VSIG10L: variants seen among roughly 807,000 people sequenced by gnomAD.
VSIG10L encodes V-set and immunoglobulin domain-containing protein 10-like.
Under a neutral mutation model 67.3 loss-of-function variants are expected in VSIG10L, and 63 were observed. The observed-to-expected ratio is 0.94, with a 90% CI of 0.76 to 1.15. VSIG10L has a LOEUF of 1.15. Ranked by LOEUF, VSIG10L falls within the 50% of genes most tolerant of loss-of-function variation. The pLI is 0.00. For synonymous variants in VSIG10L, 499 were observed against 524.9 expected, an observed-to-expected ratio of 0.95 and a Z score of 0.67; for missense variants, 1,050 against 1,177.5, an observed-to-expected ratio of 0.89 and a Z score of 1.58.
chr19:51,341,166 C>G lies in VSIG10L; in HGVS notation c.882G>C (p.Thr294=). ...GGGCCCACTTACCATACACACCCAC[C>G]GTGAACTCGTGAGTCTGCTGGGAGA... ...AGVSQQTHEF[T]VGVYEPLPQL... Residue 294 remains threonine, a synonymous_variant, in exon 2 of 10, where the codon ACG becomes ACC. Transcript: ENST00000335624. 6.6e-7 allele frequency: 1 copy of G among 1,524,234 alleles called. No homozygotes were observed. The highest frequency in any genetic ancestry group is 8.8e-7 in the Non-Finnish European group (1 of 1,132,290). 94.4% of individuals were successfully genotyped at this position (1,524,234 alleles called of 1,614,324 possible).
chr19:51,337,263 T>A lies in VSIG10L; in HGVS notation c.2280A>T (p.Pro760=). The A allele has an allele frequency of 6.5e-7, 1 of 1,549,878 alleles. No individual in the cohort carries two copies. Among genetic ancestry groups the A allele is most frequent in the Non-Finnish European group, 8.7e-7 (1 of 1,145,918 alleles). The change falls in exon 7 of 10, where the codon CCA becomes CCT. Residue 760 remains proline (P), a synonymous_variant. Transcript: ENST00000335624. The part of the protein sequence containing the change: ...LPILGGQPGT[P]SQSRVYRAGP... ...CGGCCCGGTAGACCCGGCTTTGTGA[T>A]GGAGTCCCTGGCTGGCCCCCCAGGA...
rs1985417285 is a variant in VSIG10L at position 51,333,926 on chromosome 19, CT to C, written c.2438del (p.Lys813ArgfsTer21). ...CRFRGKTPEK[K>X]KHPSTLVPVV... Reference sequence around the variant, plus strand: ...CGGGGACCAAGGTAGAAGGATGCTTCTTTTTCTCAGGAGTCTTTCCTGATTG... The same window carrying C: ...CGGGGACCAAGGTAGAAGGATGCTTCTTTTCTCAGGAGTCTTTCCTGATTG... On this transcript the variant is annotated frameshift_variant, in exon 9 of 10. Coordinates refer to ENST00000335624, the MANE Select transcript of VSIG10L (RefSeq NM_001163922.3). LOFTEE classifies it high-confidence loss of function. The C allele has an allele frequency of 6.4e-7, 1 of 1,551,434 alleles. No individual in the cohort carries two copies. Among genetic ancestry groups the C allele is most frequent in the African/African-American group, 1.4e-5 (1 of 73,032 alleles).
rs201452734 is a variant in VSIG10L, at chr19:51,338,110, G to T, written c.1828C>A (p.Arg610=). ...LEASGCPPPS[R]ASWAREGRPL... ...CTCCCTTCCCGGGCCCAGGATGCCC[G>T]TGAGGGTGGGGGACAACCAGAGGCC... Residue 610 remains arginine, a synonymous_variant, in exon 6 of 10, where the codon CGG becomes AGG. Coordinates refer to ENST00000335624, the MANE Select transcript of VSIG10L (RefSeq NM_001163922.3). 6.4e-7 allele frequency: 1 copy of T among 1,550,428 alleles called. No individual in the cohort carries two copies. Among genetic ancestry groups the T allele is most frequent in the Non-Finnish European group, 8.7e-7 (1 of 1,146,488 alleles).
chr19:51,340,100 C>G lies in VSIG10L; in HGVS notation c.1389G>C (p.Pro463=). ...GSRLLLPAVG[P]GHAGTYACLA... ...GGCAGGCGTAGGTGCCTGCGTGGCC[C>G]GGTCCGACCGCGGGCAGCAGGAGGC... Residue 463 remains proline (P), a synonymous_variant, in exon 4 of 10, where the codon CCG becomes CCC. Transcript: ENST00000335624. This position sits in a 1 kb window ranked among gnomAD's most constrained non-coding sequence, Gnocchi z 6.3. 1 of 1,333,990 alleles carries G rather than the reference C, an allele frequency of 7.5e-7. No individual in the cohort carries two copies. 82.6% of individuals were successfully genotyped at this position (1,333,990 alleles called of 1,614,324 possible).
rs988733021 is a variant in VSIG10L, at chr19:51,339,133, G to T, written c.1484C>A (p.Pro495His). 7.7e-6 allele frequency: 10 copies of T among 1,306,080 alleles called. No individual in the cohort carries two copies. The South Asian group carries it at 2.0e-4, about 27-fold the overall frequency. The allele number at this position is 1,306,080 out of a possible 1,614,324, so 80.9% of individuals were successfully genotyped here. The change falls in exon 5 of 10, where the codon CCC becomes CAC. Residue 495 changes from proline to histidine, a missense_variant. By Grantham distance (77) the Pro-to-His change is moderately conservative (BLOSUM62 -2). This residue lies in a region of VSIG10L where 529 missense variants were observed against 584.9 expected (regional missense o/e 0.90). Transcript: ENST00000335624. ...TTCAACTGAGCACTGTGGGGCCCCG[G>T]GGGGCAGGTCTGCGGAGAGAAGGGA... ...LLNLTVADLP[P>H]GAPQCSVEGG...
Position 51,338,003 on chromosome 19 carries a change from A to T in VSIG10L, c.1935T>A (p.Asp645Glu). 1 of 1,551,684 alleles carries T rather than the reference A, an allele frequency of 6.4e-7. No individual in the cohort carries two copies. Among genetic ancestry groups the T allele is most frequent in the Non-Finnish European group, 8.7e-7 (1 of 1,146,972 alleles). ...GCACGGAGTAATTTCCCAGGTCCCA[A>T]TCCAGGCTGAAGTTGCCGATGTGGA... is the stretch of plus-strand genomic sequence containing the variant. ...RKLHIGNFSL[D>E]WDLGNYSVLC... Residue 645 changes from aspartate (D) to glutamate (E), a missense_variant, in exon 6 of 10, where the codon GAT becomes GAA. Around this residue, in one of 3 missense-constraint regions of VSIG10L, gnomAD observed 529 missense variants for 584.9 expected, o/e 0.90. Transcript: ENST00000335624.
rs1451617308 is a variant in VSIG10L, at chr19:51,331,640, T to TA, written c.*970dup. 1 of 152,194 alleles carries TA rather than the reference T, an allele frequency of 6.6e-6. No homozygotes were observed. The highest frequency in any genetic ancestry group is 1.5e-5 in the Non-Finnish European group (1 of 68,040). The allele number at this position is 152,194 out of a possible 1,614,324, so 9.4% of individuals were successfully genotyped here. On this transcript the variant is annotated 3_prime_UTR_variant, in exon 10 of 10. Coordinates refer to ENST00000335624, the MANE Select transcript of VSIG10L (RefSeq NM_001163922.3). ...GAAACCCAGCTGAAAAAGCAAGACT[T>TA]ACGCTGAAGACAGCAGCAGCAAGCC...
chr19:51,340,049 G>A lies in VSIG10L; in HGVS notation c.1440C>T (p.Arg480=), dbSNP rs921992510. The A allele has an allele frequency of 7.5e-5, 108 of 1,437,028 alleles. No homozygotes were observed. Among genetic ancestry groups the A allele is most frequent in the Non-Finnish European group, 9.7e-5 (106 of 1,097,208 alleles). 89.0% of individuals were successfully genotyped at this position (1,437,028 alleles called of 1,614,324 possible). The change falls in exon 4 of 10, where the codon CGC becomes CGT. Residue 480 remains arginine (R), a synonymous_variant. Coordinates refer to ENST00000335624, the MANE Select transcript of VSIG10L (RefSeq NM_001163922.3). This position sits in a 1 kb window ranked among gnomAD's most constrained non-coding sequence, Gnocchi z 6.3. ...ACLAANPRTG[R]RRRSLLNLTV... is the part of the protein sequence containing the mutation. ...TAAGGTTGAGCAGCGAGCGGCGGCG[G>A]CGGCCGGTACGCGGGTTCGCCGCCA...
At position 51,333,841 on chromosome 19, in the gene VSIG10L, G is replaced by C. The variant is rs1041713286; in HGVS notation, c.2524C>G (p.Leu842Val). The stretch of plus-strand genomic sequence containing the variant: ...TCCTCCAGAGGGACTTTGAGGTCCA[G>C]AGGCCATGAAATCTCCACTGGGGTC... ...SVTPVEISWP[L>V]DLKVPLEDHS... The change falls in exon 9 of 10, where the codon CTG (leucine) becomes GTG (valine). Residue 842 changes from leucine to valine, a missense_variant. Leu to Val is a conservative substitution (Grantham distance 32). Transcript: ENST00000335624. 14 of 1,551,584 alleles carry C rather than the reference G, an allele frequency of 9.0e-6. No homozygotes were observed. The African/African-American group carries it at 1.9e-4, about 21-fold the overall frequency.
At position 51,334,258 on chromosome 19, in the gene VSIG10L, G is replaced by A; in HGVS notation, c.2352C>T (p.Ser784=). ...HGAIAGIVLG[S]LLGLALLAVL... Reference sequence around the variant, plus strand: ...CGGCTAGCAGCGCCAGGCCCAGCAGGGAGCCCAGGACGATGCCAGCGATGG... The same window carrying A: ...CGGCTAGCAGCGCCAGGCCCAGCAGAGAGCCCAGGACGATGCCAGCGATGG... Residue 784 remains serine, a synonymous_variant, in exon 8 of 10, where the codon TCC becomes TCT. Coordinates refer to ENST00000335624, the MANE Select transcript of VSIG10L (RefSeq NM_001163922.3). The A allele has an allele frequency of 6.4e-7, 1 of 1,551,780 alleles. No homozygotes were observed. Among genetic ancestry groups the A allele is most frequent in the Middle Eastern group, 1.7e-4 (1 of 5,992 alleles).
chr19:51,337,870 C>T (rs1259973532), intron 6 of VSIG10L, 60 bp downstream of exon 6: 5 of 1,481,896 alleles, frequency 3.4e-6, no homozygotes, highest in Non-Finnish European at 4.5e-6. Context: ...ACTTCTGGGT[C>T]TGAGGGCTGG....
intron 6 of VSIG10L, 140 bp downstream of exon 6, chr19:51,337,790 C>A: frequency 8.5e-7 from 1 of 1,180,986 alleles, no homozygotes. Context: ...GGCCTGGACT[C>A]CAGGGTCTGA....
chr19:51,338,981 C>A lies in VSIG10L; in HGVS notation c.1636G>T (p.Ala546Ser). Residue 546 changes from alanine to serine, a missense_variant, in exon 5 of 10, where the codon GCG becomes TCG. This residue lies in a region of VSIG10L where 529 missense variants were observed against 584.9 expected (regional missense o/e 0.90). Coordinates refer to ENST00000335624, the MANE Select transcript of VSIG10L (RefSeq NM_001163922.3). The stretch of plus-strand genomic sequence containing the variant: ...AGCCGGGGGTGGGCGGGGACGGCCG[C>A]CAGCAGCACAGAGGACACTGGCCCG... The part of the protein sequence containing the change: ...RAGPVSSVLL[A>S]AVPAHPRLSG... 1 of 1,431,476 alleles carries A rather than the reference C, an allele frequency of 7.0e-7. No homozygotes were observed. The highest frequency in any genetic ancestry group is 9.2e-7 in the Non-Finnish European group (1 of 1,089,090). 88.7% of individuals were successfully genotyped at this position (1,431,476 alleles called of 1,614,324 possible).
In VSIG10L at chr19:51,341,339, C is replaced by G; in HGVS notation, c.709G>C (p.Gly237Arg). Residue 237 changes from glycine to arginine, a missense_variant, in exon 2 of 10, where the codon GGC becomes CGC. Gly to Arg is a moderately radical substitution (Grantham distance 125). Transcript: ENST00000335624. ...ATCAGAGGTGCCCCTGGCCCCAGGC[C>G]CCCAGCTGCCAGCACCTTTGAGCCC... ...RRGSKVLAAG[G>R]LGPGAPLISL... is the part of the protein sequence containing the mutation. 3.2e-6 allele frequency: 5 copies of G among 1,541,518 alleles called. No homozygotes were observed. Among genetic ancestry groups the G allele is most frequent in the Non-Finnish European group, 4.4e-6 (5 of 1,146,206 alleles).
Position 51,337,917 on chromosome 19 carries a change from T to G in VSIG10L, c.2008+13A>C. The G allele has an allele frequency of 6.5e-7, 1 of 1,532,906 alleles. No individual in the cohort carries two copies. The highest frequency in any genetic ancestry group is 1.2e-5 in the South Asian group (1 of 82,630). The allele number at this position is 1,532,906 out of a possible 1,614,324, so 95.0% of individuals were successfully genotyped here. On this transcript the variant is annotated intron_variant, in intron 6 of 9. Transcript: ENST00000335624. ...ACGTGGACTTCAGGGTTTTTTGAAATAACGTGGCTCACCAATGAGGGTGAT... is the reference window on the plus strand; with the variant it reads ...ACGTGGACTTCAGGGTTTTTTGAAAGAACGTGGCTCACCAATGAGGGTGAT...
intron 7 of VSIG10L, 80 bp downstream of exon 7, chr19:51,337,158 C>G (rs1326516108): frequency 7.0e-7 from 1 of 1,436,950 alleles, no homozygotes; most frequent in Admixed American, 2.5e-5. Context: ...TTTGTTAGGG[C>G]AGGCCCCAGG....
In VSIG10L at chr19:51,333,920, A is replaced by G; in HGVS notation, c.2445T>C (p.His815=). ...TGACCACGGGGACCAAGGTAGAAGG[A>G]TGCTTCTTTTTCTCAGGAGTCTTTC... The part of the protein sequence containing the change: ...FRGKTPEKKK[H]PSTLVPVVTP... Residue 815 remains histidine, a synonymous_variant, in exon 9 of 10, where the codon CAT becomes CAC. Coordinates refer to ENST00000335624, the MANE Select transcript of VSIG10L (RefSeq NM_001163922.3). 6.4e-7 allele frequency: 1 copy of G among 1,551,562 alleles called. No individual in the cohort carries two copies. The highest frequency in any genetic ancestry group is 8.7e-7 in the Non-Finnish European group (1 of 1,146,958).
chr19:51,340,230 G>A lies in VSIG10L; in HGVS notation c.1259C>T (p.Ala420Val). The change falls in exon 4 of 10, where the codon GCG becomes GTG. Residue 420 changes from alanine (A) to valine (V), a missense_variant. By Grantham distance (64) the Ala-to-Val change is moderately conservative. Coordinates refer to ENST00000335624, the MANE Select transcript of VSIG10L (RefSeq NM_001163922.3). This position sits in a 1 kb window ranked among gnomAD's most constrained non-coding sequence, Gnocchi z 6.3. Reference sequence around the variant, plus strand: ...GCAGCGCAAGGTCACGTTACTGCCCGCGGTGACAAAGCGGGCAGGCGCGGC... The same window carrying A: ...GCAGCGCAAGGTCACGTTACTGCCCACGGTGACAAAGCGGGCAGGCGCGGC... ...RDAAPARFVT[A>V]GSNVTLRCAA... The A allele has an allele frequency of 6.6e-7, 1 of 1,509,448 alleles. No individual in the cohort carries two copies. The highest frequency in any genetic ancestry group is 8.8e-7 in the Non-Finnish European group (1 of 1,136,366). 93.5% of individuals were successfully genotyped at this position (1,509,448 alleles called of 1,614,324 possible).
intron 4 of VSIG10L, 34 bp from the exon 5 acceptor site, chr19:51,339,176 C>A: frequency 7.9e-7 from 1 of 1,268,230 alleles, no homozygotes; most frequent in South Asian, 3.1e-5. Flanking sequence ...AAGATGGAGT[C>A]CCTTTCTCAT....
Sources: allele counts gnomAD v4.1 joint callset, GRCh38; gene constraint gnomAD v4.1.1; regional missense constraint gnomAD v4.1.1; non-coding constraint Gnocchi (gnomAD v3.1); transcripts MANE v1.5; gene names NCBI Gene and HGNC (gene_info 2026-07-23, HGNC 2026-07-21).